The following RNF13 variants were observed in gnomAD, a reference collection of about 807,000 sequenced individuals.
RNF13 encodes the protein E3 ubiquitin-protein ligase RNF13.
RNF13 carries 19 observed loss-of-function variants against 37.7 expected under a neutral mutation model. The observed-to-expected ratio is 0.50, with a 90% CI of 0.35 to 0.74. RNF13 has a LOEUF of 0.74. RNF13 is among the 30% of genes least tolerant of loss of function. The pLI, the probability that RNF13 is intolerant of heterozygous loss-of-function variation, is 0.01. For synonymous variants in RNF13, 144 were observed against 157.8 expected, an observed-to-expected ratio of 0.91 and a Z score of 0.65; for missense variants, 375 against 453.0, an observed-to-expected ratio of 0.83 and a Z score of 1.56.
Position 149,961,060 on chromosome 3 carries a change from C to A in RNF13, c.1102C>A (p.Gln368Lys), listed in dbSNP as rs149058915. ...TGAACATGATGTCGTGGTCCAGTTG[C>A]AGCCTAATGGTGAACGGGATTACAA... ...INEHDVVVQL[Q>K]PNGERDYNIA... Residue 368 changes from glutamine (Q) to lysine (K), a missense_variant, in exon 10 of 10, where the codon CAG becomes AAG. By Grantham distance (53) the Gln-to-Lys change is moderately conservative. Coordinates refer to ENST00000392894, the MANE Select transcript of RNF13 (RefSeq NM_183381.3). 9.4e-5 allele frequency: 152 copies of A among 1,613,498 alleles called. No homozygotes were observed. Among genetic ancestry groups the A allele is most frequent in the Non-Finnish European group, 1.2e-4 (139 of 1,179,644 alleles).
intron 3 of RNF13, among the ~76,000 whole-genome samples, chr3:149,867,217 G>A (rs1052368226): frequency 7.3e-5 from 11 of 151,702 alleles, no homozygotes; most frequent in African/African-American, 1.5e-4. Flanking sequence ...TTGTTATATC[G>A]TCTTGCAGAA....
chr3:149,919,747 G>A (rs1175715159), intron 7 of RNF13, among the ~76,000 whole-genome samples: 2 of 152,134 alleles, frequency 1.3e-5, no homozygotes, highest in African/African-American at 2.4e-5. Flanking sequence ...TTTCTATTGG[G>A]TAAGTATATC....
chr3:149,912,856 T>C (rs1717129723), intron 7 of RNF13, among the ~76,000 whole-genome samples: 1 of 152,118 alleles, frequency 6.6e-6, no homozygotes, highest in Admixed American at 6.5e-5. Context: ...AGTATTTCCT[T>C]TGGTCACTCT....
At chr3:149,906,303 G>A (rs893858591) in intron 6 of RNF13, among the ~76,000 whole-genome samples, 3 of 151,608 alleles carry the variant, frequency 2.0e-5, no homozygotes, top group East Asian at 3.9e-4. Context: ...CACTATTTGT[G>A]TACAAATTTT....
At chr3:149,931,068 GT>G (rs545875593) in intron 8 of RNF13, among the ~76,000 whole-genome samples, 1 of 150,456 alleles carries the variant, frequency 6.6e-6, no homozygotes, top group Non-Finnish European at 1.5e-5. Flanking sequence ...TGTTTTTTTG[GT>G]TTTTTTTCTG....
At chr3:149,959,973 T>C (rs1722220567) in intron 8 of RNF13, 83 bp from the exon 9 acceptor site, 1 of 839,120 alleles carries the variant, frequency 1.2e-6, no homozygotes, top group East Asian at 2.6e-5. Flanking sequence ...CAAAGATAAA[T>C]ACATCAAAAG....
At chr3:149,838,455 A>G (rs1342596393) in intron 1 of RNF13, among the ~76,000 whole-genome samples, 2 of 152,206 alleles carry the variant, frequency 1.3e-5, no homozygotes, top group African/African-American at 2.4e-5. Context: ...ATTTCCATAC[A>G]GATTCTGTAA....
rs372647159 is a variant in RNF13, at chr3:149,932,709, T to C, written c.700+11482T>C. Among the ~76,000 whole-genome samples, 25 of 152,308 alleles carry C rather than the reference T, an allele frequency of 1.6e-4. No individual in the cohort carries two copies. In the East Asian group the frequency reaches 2.7e-3, roughly 16 times the overall value. ...TGCAAGGGGTGGGCTCCCAATGCCT[T>C]GGGAAGCTCCATCCCTGTGGCTCTC... On this transcript the variant is annotated intron_variant, in intron 8 of 9. Transcript: ENST00000392894.
intron 4 of RNF13, among the ~76,000 whole-genome samples, chr3:149,876,259 C>T (rs1712680959): frequency 6.6e-6 from 1 of 152,176 alleles, no homozygotes; most frequent in Non-Finnish European, 1.5e-5. Context: ...GCAGTGTGTG[C>T]TGAATCTTAT....
At chr3:149,837,484 A>G (rs986889739) in intron 1 of RNF13, among the ~76,000 whole-genome samples, 4 of 152,324 alleles carry the variant, frequency 2.6e-5, no homozygotes, top group South Asian at 4.1e-4. Context: ...TTCAAAAGAA[A>G]GAGGTTTAAT....
At chr3:149,816,841 A>T (rs1481148980) in intron 1 of RNF13, among the ~76,000 whole-genome samples, 1 of 152,202 alleles carries the variant, frequency 6.6e-6, no homozygotes, top group African/African-American at 2.4e-5. Flanking sequence ...CATGCAATTT[A>T]ATTATAGTAG....
intron 3 of RNF13, among the ~76,000 whole-genome samples, chr3:149,866,490 T>C (rs1172008377): frequency 1.3e-5 from 2 of 152,218 alleles, no homozygotes; most frequent in South Asian, 2.1e-4. Flanking sequence ...CTGACTTCTT[T>C]ATTGTAACCT....
chr3:149,959,519 T>C lies in RNF13; in HGVS notation c.701-537T>C, dbSNP rs577124899. 1.7e-4 allele frequency among the ~76,000 whole-genome samples: 26 copies of C among 152,348 alleles called. 1 individual carries two copies. The South Asian group carries it at 5.4e-3, about 32-fold the overall frequency. ...TGGCCCTTTGCTCATTTCATCCTTA[T>C]AACCTGCAAGGTAAGTTAATCTTTT... On this transcript the variant is annotated intron_variant, in intron 8 of 9. Transcript: ENST00000392894.
intron 1 of RNF13, among the ~76,000 whole-genome samples, chr3:149,814,563 G>A (rs1719227814): frequency 6.6e-6 from 1 of 152,066 alleles, no homozygotes; most frequent in Admixed American, 6.5e-5. Flanking sequence ...ATTGACATAA[G>A]CTTTATAAAG....
At chr3:149,941,413 G>T (rs1463897983) in intron 8 of RNF13, among the ~76,000 whole-genome samples, 2 of 151,844 alleles carry the variant, frequency 1.3e-5, no homozygotes, top group Non-Finnish European at 2.9e-5. Flanking sequence ...TCATTGTTTT[G>T]ATTTGCATTT....
At chr3:149,918,269 A>G (rs748604219) in intron 7 of RNF13, among the ~76,000 whole-genome samples, 179 of 152,166 alleles carry the variant, frequency 1.2e-3, no homozygotes, top group South Asian at 1.4e-3. Context: ...CTATGTTTCA[A>G]GTGCTCAGTA....
At chr3:149,835,878 A>G (rs1721574088) in intron 1 of RNF13, among the ~76,000 whole-genome samples, 1 of 117,582 alleles carries the variant, frequency 8.5e-6, no homozygotes, top group African/African-American at 3.8e-5. Context: ...GGATTGCTGG[A>G]TTCCCAGTAC....
intron 3 of RNF13, among the ~76,000 whole-genome samples, chr3:149,858,743 A>G (rs1210885686): frequency 6.6e-6 from 1 of 152,212 alleles, no homozygotes. Context: ...AGTTGCAAAT[A>G]AGCAGTTTTT....
In RNF13 at chr3:149,961,865, C is replaced by A. The variant is rs1576614694; in HGVS notation, c.*761C>A. ...CAACTGTTAATACTCAGATCATATA[C>A]CTCTTAATAAATAGCATCTTATGCT... On this transcript the variant is annotated 3_prime_UTR_variant, in exon 10 of 10. Transcript: ENST00000392894. The A allele has an allele frequency of 6.5e-6, 1 of 152,876 alleles. No individual in the cohort carries two copies. Among genetic ancestry groups the A allele is most frequent in the Non-Finnish European group, 1.5e-5 (1 of 68,284 alleles). The allele number at this position is 152,876 out of a possible 1,614,324, so 9.5% of individuals were successfully genotyped here.
Sources: gnomAD v4.1 joint callset for allele counts (sites outside exome capture counted in the v4.1 genomes callset) on GRCh38, gnomAD v4.1.1 for gene constraint, MANE v1.5 for transcripts, NCBI Gene and HGNC (gene_info 2026-07-23, HGNC 2026-07-21) for gene names.